The following GSTCD variants were observed in gnomAD, a reference collection of about 807,000 sequenced individuals.
The protein encoded by GSTCD is glutathione S-transferase C-terminal domain-containing protein.
A neutral mutation model predicts 68.3 loss-of-function variants in GSTCD; 44 were observed. That is an observed-to-expected ratio of 0.64 (90% CI 0.51 to 0.83). The LOEUF (loss-of-function observed/expected upper bound fraction) is 0.83, where lower values mean the gene tolerates loss of function less well. Among genes scored for constraint, GSTCD ranks in the 40% least tolerant of loss-of-function variants. GSTCD has a pLI of 0.00. For synonymous variants in GSTCD, 273 were observed against 255.2 expected, an observed-to-expected ratio of 1.07 and a Z score of -0.67; for missense variants, 739 against 735.9, an observed-to-expected ratio of 1.00 and a Z score of -0.05.
chr4:105,831,153 G>A (rs1164827613), intron 8 of GSTCD, among the ~76,000 whole-genome samples: 1 of 152,154 alleles, frequency 6.6e-6, no homozygotes, highest in East Asian at 1.9e-4. Flanking sequence ...TAATATTGTT[G>A]TATGAAAGTT....
At position 105,719,232 on chromosome 4, in the gene GSTCD, T is replaced by A. The variant is rs1395060344; in HGVS notation, c.599T>A (p.Leu200His). ...GATGATAAACTCCGCAGGCAGAAGC[T>A]CAAGCAACAGAAGGCTGATGGAGTT... ...HNDDKLRRQK[L>H]KQQKADGVGP... The change falls in exon 3 of 12, where the codon CTC (leucine) becomes CAC (histidine). Residue 200 changes from leucine (L) to histidine (H), a missense_variant. Physicochemically the swap from Leu to His is moderately conservative, Grantham distance 99 (BLOSUM62 -3). Transcript: ENST00000515279. The A allele has an allele frequency of 6.2e-7, 1 of 1,613,854 alleles. No individual in the cohort carries two copies. The highest frequency in any genetic ancestry group is 2.2e-5 in the East Asian group (1 of 44,878).
intron 5 of GSTCD, among the ~76,000 whole-genome samples, chr4:105,808,004 A>T (rs1722591474): frequency 6.6e-6 from 1 of 151,970 alleles, no homozygotes; most frequent in African/African-American, 2.4e-5. Context: ...TTCTCTCTTG[A>T]TCCTATGATA....
In GSTCD at chr4:105,790,323, A is replaced by G. The variant is rs555649454; in HGVS notation, c.1241-32631A>G. Among the ~76,000 whole-genome samples, 6 of 152,222 alleles carry G rather than the reference A, an allele frequency of 3.9e-5. No homozygotes were observed. In the East Asian group the frequency reaches 1.2e-3, roughly 29 times the overall value. ...TAATTTACATTATGATTCAAATAAA[A>G]TAGGTTAAAGCCAAGTTAAGAGCAT... On this transcript the variant is annotated intron_variant, in intron 5 of 11. Coordinates refer to ENST00000515279, the MANE Select transcript of GSTCD (RefSeq NM_001370181.1).
intron 7 of GSTCD, among the ~76,000 whole-genome samples, chr4:105,825,368 G>A (rs1180803470): frequency 6.6e-6 from 1 of 152,186 alleles, no homozygotes; most frequent in Non-Finnish European, 1.5e-5. Flanking sequence ...GACCTCAAGT[G>A]ATCCGCTTGC....
chr4:105,811,985 T>C lies in GSTCD; in HGVS notation c.1241-10969T>C, dbSNP rs974889671. Reference sequence around the variant, plus strand: ...TTTTGGACATGTTTGGCTTGAAGTCTCTGGATGGCACAGGCATATATTAAG... The same window carrying C: ...TTTTGGACATGTTTGGCTTGAAGTCCCTGGATGGCACAGGCATATATTAAG... On this transcript the variant is annotated intron_variant, in intron 5 of 11. Coordinates refer to ENST00000515279, the MANE Select transcript of GSTCD (RefSeq NM_001370181.1). Among the ~76,000 whole-genome samples, 30 of 152,182 alleles carry C rather than the reference T, an allele frequency of 2.0e-4. 1 individual carries two copies. The highest frequency in any genetic ancestry group is 5.9e-5 in the Non-Finnish European group (4 of 68,016).
chr4:105,715,646 C>T (rs1034510109), intron 1 of GSTCD, among the ~76,000 whole-genome samples: 4 of 150,212 alleles, frequency 2.7e-5, no homozygotes, highest in Non-Finnish European at 4.4e-5. Context: ...AACTAAGAAG[C>T]TTAAAGTGTT....
chr4:105,735,940 A>C (rs1415385262), intron 5 of GSTCD, among the ~76,000 whole-genome samples: 1 of 152,176 alleles, frequency 6.6e-6, no homozygotes, highest in African/African-American at 2.4e-5. Flanking sequence ...TACCTAATAA[A>C]AATTAACAAA....
chr4:105,717,661 G>C lies in GSTCD; in HGVS notation c.48G>C (p.Leu16=). ...KSLTEEEYLY[L]DFSHQTEGCI... is the part of the protein sequence containing the mutation. ...TTACAGAAGAAGAATACCTGTACCT[G>C]GACTTTTCTCACCAAACAGAAGGAT... Residue 16 remains leucine, a synonymous_variant, in exon 2 of 12, where the codon CTG becomes CTC. Transcript: ENST00000515279. The C allele has an allele frequency of 6.2e-7, 1 of 1,606,466 alleles. No individual in the cohort carries two copies. The highest frequency in any genetic ancestry group is 1.7e-5 in the Admixed American group (1 of 58,628).
At position 105,756,855 on chromosome 4, in the gene GSTCD, A is replaced by G. The variant is rs138262162; in HGVS notation, c.1240+27356A>G. Among the ~76,000 whole-genome samples, 278 of 152,250 alleles carry G rather than the reference A, an allele frequency of 1.8e-3. 3 individuals are homozygous for G. Among genetic ancestry groups the G allele is most frequent in the African/African-American group, 6.4e-3 (267 of 41,542 alleles). On this transcript the variant is annotated intron_variant, in intron 5 of 11. Transcript: ENST00000515279. The stretch of plus-strand genomic sequence containing the variant: ...GTAAGTTACATGCATTGTGTAATTT[A>G]CAGTTAAGACACACTGTCCGTCAAT...
intron 5 of GSTCD, among the ~76,000 whole-genome samples, chr4:105,780,867 GAA>G (rs1272805458): frequency 6.6e-6 from 1 of 151,948 alleles, no homozygotes; most frequent in African/African-American, 2.4e-5. Context: ...TGCTTTATTT[GAA>G]AAGTCAAGAT....
intron 5 of GSTCD, among the ~76,000 whole-genome samples, chr4:105,734,907 C>T (rs1365634245): frequency 6.6e-6 from 1 of 152,090 alleles, no homozygotes; most frequent in Non-Finnish European, 1.5e-5. Flanking sequence ...CAGTCAGGAC[C>T]CTCAGCTGCA....
chr4:105,720,309 C>G (rs1732821709), intron 3 of GSTCD, among the ~76,000 whole-genome samples: 1 of 152,194 alleles, frequency 6.6e-6, no homozygotes, highest in Non-Finnish European at 1.5e-5. Context: ...AATTGGTTTT[C>G]AAGAGCTGCA....
chr4:105,718,216 T>C (rs1201968007), intron 2 of GSTCD, among the ~76,000 whole-genome samples, 177 bp downstream of exon 2: 4 of 152,208 alleles, frequency 2.6e-5, no homozygotes, highest in Non-Finnish European at 5.9e-5. Context: ...CCCCTCCAAA[T>C]TTCATGTTGA....
intron 5 of GSTCD, among the ~76,000 whole-genome samples, chr4:105,742,686 C>G (rs147730713): frequency 6.1e-4 from 90 of 147,842 alleles, no homozygotes; most frequent in African/African-American, 2.2e-3. Flanking sequence ...AGTACTTTCT[C>G]TTTTTTTGTT....
intron 5 of GSTCD, among the ~76,000 whole-genome samples, chr4:105,776,746 C>A (rs981319684): frequency 6.6e-6 from 1 of 152,220 alleles, no homozygotes; most frequent in African/African-American, 2.4e-5. Flanking sequence ...CTGCATTGAT[C>A]TTGCTGGGAG....
Position 105,719,185 on chromosome 4 carries a change from T to C in GSTCD, c.552T>C (p.Ser184=). The C allele has an allele frequency of 6.2e-7, 1 of 1,614,066 alleles. No homozygotes were observed. The highest frequency in any genetic ancestry group is 8.5e-7 in the Non-Finnish European group (1 of 1,179,992). Residue 184 remains serine, a synonymous_variant, in exon 3 of 12, where the codon AGT becomes AGC. Transcript: ENST00000515279. ...VEILQLEKKL[S]EPVRVHNDDK... ...TACTACAGCTAGAGAAAAAGCTTAG[T>C]GAGCCTGTTAGAGTGCATAATGATG...
chr4:105,818,286 GA>G (rs1723104911), intron 5 of GSTCD, among the ~76,000 whole-genome samples: 1 of 125,018 alleles, frequency 8.0e-6, no homozygotes, highest in East Asian at 2.6e-4. Flanking sequence ...CTTTTGTCTT[GA>G]AAAAAATTGT....
chr4:105,750,460 C>CAAAA (rs1024094979), intron 5 of GSTCD, among the ~76,000 whole-genome samples: 1 of 51,264 alleles, frequency 2.0e-5, no homozygotes, highest in African/African-American at 6.3e-5. Flanking sequence ...AACTCCGTCT[C>CAAAA]AAAAAAAAAA....
intron 8 of GSTCD, among the ~76,000 whole-genome samples, chr4:105,830,953 A>C (rs531439803): frequency 6.6e-6 from 1 of 152,358 alleles, no homozygotes; most frequent in African/African-American, 2.4e-5. Flanking sequence ...AATATTTACA[A>C]ATCAAGAGAT....
Sources: gnomAD v4.1 joint callset for allele counts (sites outside exome capture counted in the v4.1 genomes callset) on GRCh38, gnomAD v4.1.1 for gene constraint, MANE v1.5 for transcripts, NCBI Gene and HGNC (gene_info 2026-07-23, HGNC 2026-07-21) for gene names.